AUTS2: variants seen among roughly 807,000 people sequenced by gnomAD.
The protein encoded by AUTS2 is activator of transcription and developmental regulator AUTS2, also known as autism susceptibility gene 2 protein.
Under a neutral mutation model 112.4 loss-of-function variants are expected in AUTS2, and 17 were observed. The ratio of observed to expected loss-of-function variants is 0.15; its 90% CI spans 0.10 to 0.23. AUTS2 has a LOEUF of 0.23. Among genes scored for constraint, AUTS2 ranks in the 10% least tolerant of loss-of-function variants. The pLI is 1.00. For synonymous variants in AUTS2, 751 were observed against 702.7 expected, an observed-to-expected ratio of 1.07 and a Z score of -1.09; for missense variants, 1,510 against 1,701.6, an observed-to-expected ratio of 0.89 and a Z score of 1.98.
chr7:70,096,846 G>T (rs1443017579), intron 2 of AUTS2, among the ~76,000 whole-genome samples: 2 of 152,080 alleles, frequency 1.3e-5, no homozygotes, highest in African/African-American at 2.4e-5. Flanking sequence ...AGAATATAAT[G>T]CCAAAATTAA....
chr7:70,665,809 G>A (rs1807317243), intron 5 of AUTS2, among the ~76,000 whole-genome samples: 1 of 152,144 alleles, frequency 6.6e-6, no homozygotes, highest in African/African-American at 2.4e-5. Flanking sequence ...ATTCTGCCGG[G>A]CCAACTGTGG....
chr7:69,684,288 A>G (rs925434437), intron 1 of AUTS2, among the ~76,000 whole-genome samples: 1 of 152,066 alleles, frequency 6.6e-6, no homozygotes, highest in Non-Finnish European at 1.5e-5. Flanking sequence ...GGGCACTTGC[A>G]CCTTGGGACA....
intron 4 of AUTS2, among the ~76,000 whole-genome samples, chr7:70,431,190 A>C (rs1481052371): frequency 6.6e-6 from 1 of 152,010 alleles, no homozygotes; most frequent in Non-Finnish European, 1.5e-5. Context: ...GATTAAACTG[A>C]AATATTTGAC....
At chr7:69,940,203 G>A (rs1460111468) in intron 2 of AUTS2, among the ~76,000 whole-genome samples, 2 of 152,176 alleles carry the variant, frequency 1.3e-5, no homozygotes, top group Non-Finnish European at 2.9e-5. Context: ...CAGAGCCTGC[G>A]TTCCTAACTT....
chr7:70,355,861 T>C (rs1387911149), intron 4 of AUTS2, among the ~76,000 whole-genome samples: 1 of 152,200 alleles, frequency 6.6e-6, no homozygotes, highest in African/African-American at 2.4e-5. Context: ...CATGCTGCCT[T>C]ACCCCTGGGA....
intron 4 of AUTS2, among the ~76,000 whole-genome samples, chr7:70,384,018 G>A (rs577424675): frequency 6.6e-6 from 1 of 152,358 alleles, no homozygotes; most frequent in South Asian, 2.1e-4. Context: ...GCCTATGCTA[G>A]TCCATTAGGG....
chr7:70,747,982 C>G (rs1253783008), intron 6 of AUTS2, among the ~76,000 whole-genome samples: 1 of 138,916 alleles, frequency 7.2e-6, no homozygotes, highest in Non-Finnish European at 1.5e-5. Context: ...CCACCACGCC[C>G]AGCCAATTTT....
chr7:69,764,024 G>A (rs539504076), intron 1 of AUTS2, among the ~76,000 whole-genome samples: 3 of 152,140 alleles, frequency 2.0e-5, no homozygotes, highest in African/African-American at 7.2e-5. Context: ...AGCCTTTGAG[G>A]TCAGTTGGGG....
chr7:70,539,387 C>T (rs554352819), intron 5 of AUTS2, among the ~76,000 whole-genome samples: 1 of 152,292 alleles, frequency 6.6e-6, no homozygotes, highest in African/African-American at 2.4e-5. Flanking sequence ...TGCCTAAGCC[C>T]AGCCAGCCCT....
chr7:70,573,102 T>C (rs533319738), intron 5 of AUTS2, among the ~76,000 whole-genome samples: 4,784 of 28,244 alleles, frequency 0.17, 121 homozygotes, highest in Non-Finnish European at 0.27. Context: ...TTATCTGGTT[T>C]ATTCATGGAA....
chr7:70,686,037 T>C (rs924701422), intron 5 of AUTS2, among the ~76,000 whole-genome samples: 3 of 152,252 alleles, frequency 2.0e-5, no homozygotes, highest in South Asian at 4.1e-4. Flanking sequence ...AGCTCAGTCC[T>C]TCTTCTTTCA....
At chr7:69,729,224 C>A (rs1033841204) in intron 1 of AUTS2, among the ~76,000 whole-genome samples, 3 of 152,028 alleles carry the variant, frequency 2.0e-5, no homozygotes, top group Non-Finnish European at 4.4e-5. Context: ...TATGCTCTTT[C>A]AAGGCAGAGG....
chr7:69,891,163 C>T (rs895387759), intron 1 of AUTS2, among the ~76,000 whole-genome samples: 2 of 152,206 alleles, frequency 1.3e-5, no homozygotes, highest in Admixed American at 1.3e-4. Flanking sequence ...CAGGAAGCCA[C>T]TAGCCTGCTT....
intron 5 of AUTS2, among the ~76,000 whole-genome samples, chr7:70,670,174 T>C (rs375651346): frequency 4.6e-5 from 7 of 152,350 alleles, no homozygotes; most frequent in African/African-American, 1.4e-4. Context: ...CTTTGGCTTT[T>C]TAATATTTTA....
At chr7:70,743,891 T>C (rs1316650450) in intron 6 of AUTS2, among the ~76,000 whole-genome samples, 1 of 152,180 alleles carries the variant, frequency 6.6e-6, no homozygotes, top group African/African-American at 2.4e-5. Flanking sequence ...TCATCATTTC[T>C]AGGGTATAGG....
chr7:69,800,361 C>T (rs181076696), intron 1 of AUTS2, among the ~76,000 whole-genome samples: 1 of 152,298 alleles, frequency 6.6e-6, no homozygotes, highest in East Asian at 1.9e-4. Flanking sequence ...GCAGGGGAAG[C>T]GGTTGAGCTG....
intron 5 of AUTS2, among the ~76,000 whole-genome samples, chr7:70,684,973 C>T (rs1278683914): frequency 6.6e-6 from 1 of 152,162 alleles, no homozygotes; most frequent in African/African-American, 2.4e-5. Context: ...CAGTAAATGG[C>T]ACCGTCACAT....
chr7:70,785,845 TG>T, intron 16 of AUTS2, 109 bp from the exon 17 acceptor site: 2 of 966,152 alleles, frequency 2.1e-6, no homozygotes, highest in Non-Finnish European at 1.6e-6. Context: ...ACAGGCCAGG[TG>T]GGGGCGTAGA....
At chr7:69,908,759 A>G (rs1795244270) in intron 2 of AUTS2, among the ~76,000 whole-genome samples, 1 of 152,242 alleles carries the variant, frequency 6.6e-6, no homozygotes, top group Admixed American at 6.5e-5. Context: ...AAACCTGGAC[A>G]GGTCCTAATT....
Sources: gnomAD v4.1 joint callset for allele counts (sites outside exome capture counted in the v4.1 genomes callset) on GRCh38, gnomAD v4.1.1 for gene constraint, MANE v1.5 for transcripts, NCBI Gene and HGNC (gene_info 2026-07-23, HGNC 2026-07-21) for gene names.